Variants in KDM4C observed in about 807,000 individuals in gnomAD.
The protein encoded by KDM4C is lysine demethylase 4C, also known as lysine-specific demethylase 4C.
KDM4C carries 81 observed loss-of-function variants against 129.3 expected under a neutral mutation model. The observed-to-expected ratio is 0.63, with a 90% CI of 0.52 to 0.75. The LOEUF (loss-of-function observed/expected upper bound fraction) is 0.75, where lower values mean the gene tolerates loss of function less well. Among genes scored for constraint, KDM4C ranks in the 30% least tolerant of loss-of-function variants. The pLI, the probability that KDM4C is intolerant of heterozygous loss-of-function variation, is 0.00. For synonymous variants in KDM4C, 573 were observed against 456.1 expected (o/e 1.26, Z -3.26); for missense variants, 1,457 against 1,304.0 (o/e 1.12, Z -1.81).
At chr9:7,052,430 C>T (rs1010002985) in intron 17 of KDM4C, among the ~76,000 whole-genome samples, 15 of 152,302 alleles carry the variant, frequency 9.8e-5, no homozygotes, top group Non-Finnish European at 1.8e-4. Context: ...ATTTGCACGT[C>T]AGGCTTATAA....
At chr9:7,135,530 C>T (rs1185988118) in intron 19 of KDM4C, among the ~76,000 whole-genome samples, 1 of 152,098 alleles carries the variant, frequency 6.6e-6, no homozygotes, top group Non-Finnish European at 1.5e-5. Flanking sequence ...CTGCTTAAAC[C>T]CATGGGCAGC....
chr9:6,977,190 G>A (rs1833062853), intron 8 of KDM4C, among the ~76,000 whole-genome samples: 1 of 151,948 alleles, frequency 6.6e-6, no homozygotes, highest in South Asian at 2.1e-4. Context: ...GTTTGCCATC[G>A]GCTCCTCCCT....
At chr9:7,107,814 A>G (rs1441898773) in intron 18 of KDM4C, among the ~76,000 whole-genome samples, 1 of 152,056 alleles carries the variant, frequency 6.6e-6, no homozygotes, top group Non-Finnish European at 1.5e-5. Flanking sequence ...TTCCTTTAGT[A>G]TTATTGTAGC....
At chr9:6,808,178 C>G (rs1197354233) in intron 3 of KDM4C, among the ~76,000 whole-genome samples, 2 of 66,820 alleles carry the variant, frequency 3.0e-5, no homozygotes, top group Non-Finnish European at 5.5e-5. Context: ...CGGCCACCAC[C>G]CCGTCTGGGA....
intron 8 of KDM4C, among the ~76,000 whole-genome samples, chr9:6,960,737 T>C (rs145433661): frequency 1.3e-5 from 2 of 152,258 alleles, no homozygotes; most frequent in Non-Finnish European, 2.9e-5. Flanking sequence ...CAGTAAACAG[T>C]CTCTTTCTCC....
chr9:6,857,871 C>T (rs377720893), intron 5 of KDM4C, among the ~76,000 whole-genome samples: 1 of 150,802 alleles, frequency 6.6e-6, no homozygotes, highest in African/African-American at 2.4e-5. Context: ...CCTCCCACCT[C>T]AGCCTCCTGA....
chr9:7,007,880 C>T (rs541335262), intron 12 of KDM4C, among the ~76,000 whole-genome samples: 2 of 152,150 alleles, frequency 1.3e-5, no homozygotes, highest in Admixed American at 1.3e-4. Flanking sequence ...TAATGATTTT[C>T]CCAACCCATA....
At chr9:6,887,660 G>T (rs1316538223) in intron 6 of KDM4C, among the ~76,000 whole-genome samples, 1 of 152,100 alleles carries the variant, frequency 6.6e-6, no homozygotes, top group East Asian at 1.9e-4. Flanking sequence ...TCAGATAATA[G>T]ATTGAATCCA....
intron 19 of KDM4C, among the ~76,000 whole-genome samples, chr9:7,145,438 C>T (rs1260897415): frequency 2.0e-5 from 3 of 152,046 alleles, no homozygotes; most frequent in Non-Finnish European, 4.4e-5. Context: ...TGATGGGGGG[C>T]GCACTCCCCT....
intron 14 of KDM4C, 40 bp from the exon 15 acceptor site, chr9:7,015,813 A>G (rs1193820106): frequency 7.2e-7 from 1 of 1,386,400 alleles, no homozygotes; most frequent in East Asian, 2.3e-5. Context: ...TTTAAAGGTG[A>G]AAAAGACCTA....
intron 6 of KDM4C, among the ~76,000 whole-genome samples, chr9:6,885,214 G>A (rs1404468960): frequency 6.6e-6 from 1 of 152,148 alleles, no homozygotes; most frequent in Non-Finnish European, 1.5e-5. Flanking sequence ...CACTAATCTG[G>A]TTTCTGTCCC....
chr9:6,864,496 A>G (rs183759082), intron 5 of KDM4C, among the ~76,000 whole-genome samples: 2 of 152,176 alleles, frequency 1.3e-5, no homozygotes, highest in Non-Finnish European at 2.9e-5. Context: ...TTTGGGTCAT[A>G]TCTGTTTGGT....
chr9:6,780,507 C>T (rs7020308), intron 1 of KDM4C, among the ~76,000 whole-genome samples: 34,548 of 151,538 alleles, frequency 0.23, 4,435 homozygotes, highest in Non-Finnish European at 0.3. Context: ...TGGCTCACAC[C>T]TGTAATCCCA....
intron 12 of KDM4C, among the ~76,000 whole-genome samples, chr9:7,006,812 G>T (rs1168243120): frequency 6.6e-6 from 1 of 152,012 alleles, no homozygotes; most frequent in Admixed American, 6.6e-5. Flanking sequence ...GTGATGATTG[G>T]TTTCCTGGGT....
chr9:6,924,823 C>G (rs1822182319), intron 8 of KDM4C: 3 of 978,884 alleles, frequency 3.1e-6, no homozygotes, highest in Non-Finnish European at 3.6e-6. Flanking sequence ...TTCCACTTTG[C>G]TATTAACATG....
intron 4 of KDM4C, among the ~76,000 whole-genome samples, chr9:6,821,459 T>C (rs571694189): frequency 6.6e-6 from 1 of 152,296 alleles, no homozygotes; most frequent in Admixed American, 6.5e-5. Context: ...ATTTGCATTT[T>C]TCTGATGACC....
rs192177633 is a variant in KDM4C, at chr9:6,902,114, C to T, written c.921+8882C>T. On this transcript the variant is annotated intron_variant, in intron 8 of 21. Coordinates refer to ENST00000381309, the MANE Select transcript of KDM4C (RefSeq NM_015061.6). ...TTCTGCATCTTCTATTTTTTTCCAC[C>T]AGTATGAATTTTGAGTTCCAAAACA... 3.7e-3 allele frequency among the ~76,000 whole-genome samples: 566 copies of T among 152,150 alleles called. 3 individuals are homozygous for T. The highest frequency in any genetic ancestry group is 0.013 in the African/African-American group (538 of 41,494).
At chr9:6,899,405 TA>T in intron 8 of KDM4C, among the ~76,000 whole-genome samples, 1 of 152,244 alleles carries the variant, frequency 6.6e-6, no homozygotes, top group East Asian at 1.9e-4. Context: ...CCAAAGTCCG[TA>T]GTTTACATTA....
chr9:7,007,328 A>G (rs1263448727), intron 12 of KDM4C, among the ~76,000 whole-genome samples: 1 of 152,226 alleles, frequency 6.6e-6, no homozygotes, highest in East Asian at 1.9e-4. Flanking sequence ...GTCTAGGAGT[A>G]CGGGTTTCCA....
Sources: allele counts gnomAD v4.1 joint callset (sites outside exome capture counted in the v4.1 genomes callset), GRCh38; gene constraint gnomAD v4.1.1; transcripts MANE v1.5; gene names NCBI Gene and HGNC (gene_info 2026-07-23, HGNC 2026-07-21).